Variants in FHIT observed in about 807,000 individuals in gnomAD.
The protein encoded by FHIT is fragile histidine triad diadenosine triphosphatase.
FHIT carries 19 observed loss-of-function variants against 17.9 expected under a neutral mutation model. That is an observed-to-expected ratio of 1.06 (90% CI 0.74 to 1.56). The LOEUF (loss-of-function observed/expected upper bound fraction) is 1.56, where lower values mean the gene tolerates loss of function less well. Among genes scored for constraint, FHIT ranks in the 40% most tolerant of loss-of-function variants. The probability of loss-of-function intolerance (pLI) is 0.00; values close to 1 mark genes in which losing one functional copy is unlikely to be tolerated. For missense variants in FHIT, 248 were observed against 189.2 expected, an observed-to-expected ratio of 1.31 and a Z score of -1.82; for synonymous variants, 81 against 69.7, an observed-to-expected ratio of 1.16 and a Z score of -0.81.
chr3:61,190,197 C>T (rs1383164571), intron 2 of FHIT, among the ~76,000 whole-genome samples: 1 of 152,210 alleles, frequency 6.6e-6, no homozygotes, highest in Admixed American at 6.5e-5. Context: ...TGACAAAGGG[C>T]TAATATGCCA....
intron 5 of FHIT, among the ~76,000 whole-genome samples, chr3:60,444,619 C>G (rs1177462328): frequency 2.6e-5 from 4 of 152,060 alleles, no homozygotes; most frequent in African/African-American, 9.7e-5. Context: ...ACCGCATGTT[C>G]TCACTCATAG....
intron 4 of FHIT, among the ~76,000 whole-genome samples, chr3:60,554,927 T>C (rs2107633003): frequency 6.6e-6 from 1 of 152,344 alleles, no homozygotes; most frequent in Admixed American, 6.5e-5. Flanking sequence ...CAATTATAGC[T>C]ATGTATCATT....
At chr3:61,172,208 G>A (rs1044672619) in intron 2 of FHIT, among the ~76,000 whole-genome samples, 2 of 152,126 alleles carry the variant, frequency 1.3e-5, no homozygotes, top group African/African-American at 4.8e-5. Context: ...TACAGTAATG[G>A]TTAAATAAAC....
At chr3:60,495,561 T>C (rs765952273) in intron 5 of FHIT, among the ~76,000 whole-genome samples, 3 of 151,936 alleles carry the variant, frequency 2.0e-5, no homozygotes, top group Non-Finnish European at 4.4e-5. Flanking sequence ...AACTTGATTC[T>C]ACATATGCAT....
At chr3:60,422,089 C>T (rs995207997) in intron 5 of FHIT, among the ~76,000 whole-genome samples, 1 of 152,160 alleles carries the variant, frequency 6.6e-6, no homozygotes, top group Non-Finnish European at 1.5e-5. Flanking sequence ...TTCTGACCAG[C>T]TGTCAATTTT....
chr3:60,250,120 GA>G (rs898654443), intron 5 of FHIT, among the ~76,000 whole-genome samples: 2 of 151,426 alleles, frequency 1.3e-5, no homozygotes, highest in Non-Finnish European at 2.9e-5. Flanking sequence ...AACGTAGAGA[GA>G]AAAAAGGGGA....
rs4599253 is a variant in FHIT at position 60,859,719 on chromosome 3, T to A, written c.-110-37708A>T. Among the ~76,000 whole-genome samples, 930 of 136,998 alleles carry A rather than the reference T, an allele frequency of 6.8e-3. 18 individuals are homozygous for A. Among genetic ancestry groups the A allele is most frequent in the African/African-American group, 0.024 (856 of 35,662 alleles). The allele number at this position is 136,998 out of a possible 152,430, so 89.9% of individuals were successfully genotyped here. A position where few individuals can be genotyped will look rare whatever the true frequency, so the allele number is the denominator to read the frequency against. On this transcript the variant is annotated intron_variant, in intron 3 of 9. Coordinates refer to ENST00000492590, the MANE Select transcript of FHIT (RefSeq NM_002012.4). ...AGAAACATTTGCAGTGGATTCTGAA[T>A]ACGATTTTTTTTTTTTTTTTTTTTT... is the stretch of plus-strand genomic sequence containing the variant.
intron 4 of FHIT, among the ~76,000 whole-genome samples, chr3:60,641,359 G>A (rs1361985583): frequency 6.6e-6 from 1 of 152,194 alleles, no homozygotes; most frequent in Non-Finnish European, 1.5e-5. Flanking sequence ...GGATGAGGCA[G>A]AGGGCCCAGG....
chr3:60,759,503 A>T (rs1404502097), intron 4 of FHIT, among the ~76,000 whole-genome samples: 4 of 152,112 alleles, frequency 2.6e-5, no homozygotes, highest in Non-Finnish European at 5.9e-5. Flanking sequence ...AAGTGAGGAG[A>T]GCATTAAGAG....
chr3:60,162,052 G>C (rs909367925), intron 5 of FHIT, among the ~76,000 whole-genome samples: 5 of 152,080 alleles, frequency 3.3e-5, no homozygotes, highest in Admixed American at 6.6e-5. Context: ...GAAATGTATG[G>C]GGAAATGTTA....
intron 5 of FHIT, among the ~76,000 whole-genome samples, chr3:60,253,882 T>C (rs1033177564): frequency 5.9e-5 from 9 of 152,198 alleles, no homozygotes; most frequent in African/African-American, 2.2e-4. Flanking sequence ...TATTTGATTG[T>C]TATATAGCCT....
intron 5 of FHIT, among the ~76,000 whole-genome samples, chr3:60,533,351 C>A (rs1173494713): frequency 6.6e-6 from 1 of 152,174 alleles, no homozygotes; most frequent in African/African-American, 2.4e-5. Flanking sequence ...TCCAGCTTCA[C>A]TTTAGATTCA....
intron 4 of FHIT, among the ~76,000 whole-genome samples, chr3:60,648,509 GT>G (rs1553687390): frequency 2.6e-5 from 4 of 152,096 alleles, no homozygotes; most frequent in Non-Finnish European, 1.5e-5. Flanking sequence ...TTGGGGGAGG[GT>G]AGAAGCCTAA....
chr3:61,061,912 A>T (rs1248895441), intron 2 of FHIT, among the ~76,000 whole-genome samples: 2 of 152,192 alleles, frequency 1.3e-5, no homozygotes, highest in Non-Finnish European at 2.9e-5. Context: ...TTTGGCATGT[A>T]CATTTTTGCA....
chr3:60,923,457 C>T (rs1313457572), intron 3 of FHIT, among the ~76,000 whole-genome samples: 2 of 152,118 alleles, frequency 1.3e-5, no homozygotes, highest in East Asian at 1.9e-4. Context: ...TAAATAGTGA[C>T]CAGAACCTTG....
chr3:60,231,287 T>A (rs925302972), intron 5 of FHIT, among the ~76,000 whole-genome samples: 2 of 152,206 alleles, frequency 1.3e-5, no homozygotes, highest in African/African-American at 4.8e-5. Flanking sequence ...GAAGTTGGTA[T>A]CTATCATCCA....
At chr3:61,220,067 T>A (rs17064653) in intron 1 of FHIT, among the ~76,000 whole-genome samples, 37,483 of 151,970 alleles carry the variant, frequency 0.25, 5,149 homozygotes, top group East Asian at 0.49. Context: ...TTTAAGTCTT[T>A]AACAATTATT....
chr3:60,410,176 G>T (rs7634421), intron 5 of FHIT, among the ~76,000 whole-genome samples: 3 of 152,184 alleles, frequency 2.0e-5, no homozygotes, highest in Non-Finnish European at 1.5e-5. Context: ...CTAGAGAGAG[G>T]CAAGGAGGTA....
At chr3:60,234,749 C>T (rs547095499) in intron 5 of FHIT, among the ~76,000 whole-genome samples, 2 of 152,220 alleles carry the variant, frequency 1.3e-5, no homozygotes, top group African/African-American at 4.8e-5. Flanking sequence ...CTCAAAGATC[C>T]AAACTGAGTT....
Sources: allele counts gnomAD v4.1 joint callset (sites outside exome capture counted in the v4.1 genomes callset), GRCh38; gene constraint gnomAD v4.1.1; transcripts MANE v1.5; gene names NCBI Gene and HGNC (gene_info 2026-07-23, HGNC 2026-07-21).